Variants in METAP2 observed in about 807,000 individuals in gnomAD.
The protein encoded by METAP2 is methionyl aminopeptidase 2, also known as methionine aminopeptidase 2.
In METAP2, 25 loss-of-function variants were observed where a neutral mutation model predicts 59.4. The ratio of observed to expected loss-of-function variants is 0.42; its 90% CI spans 0.31 to 0.59. The LOEUF (loss-of-function observed/expected upper bound fraction) is 0.59. Among genes scored for constraint, METAP2 ranks in the 20% least tolerant of loss-of-function variants. The pLI, the probability that METAP2 is intolerant of heterozygous loss-of-function variation, is 0.16. For synonymous variants in METAP2, 214 were observed against 194.1 expected, an observed-to-expected ratio of 1.10 and a Z score of -0.85; for missense variants, 366 against 581.2, an observed-to-expected ratio of 0.63 and a Z score of 3.81.
At chr12:95,502,236 G>A (rs2076321946) in intron 7 of METAP2, among the ~76,000 whole-genome samples, 2 of 151,946 alleles carry the variant, frequency 1.3e-5, no homozygotes, top group South Asian at 2.1e-4. Context: ...GAGCTCCTGG[G>A]TTCAAGTGAT....
intron 7 of METAP2, among the ~76,000 whole-genome samples, chr12:95,501,397 G>T (rs574509768): frequency 6.6e-6 from 1 of 152,264 alleles, no homozygotes; most frequent in South Asian, 2.1e-4. Context: ...ATAAACCAAA[G>T]TTAATAATAA....
intron 6 of METAP2, 146 bp downstream of exon 6, chr12:95,495,284 T>TA (rs1565780804): frequency 1.6e-6 from 1 of 630,444 alleles, no homozygotes; most frequent in Non-Finnish European, 2.6e-6. Context: ...GGCAGATTTT[T>TA]AAAAAAATTT....
intron 4 of METAP2, among the ~76,000 whole-genome samples, chr12:95,487,469 T>A (rs2076205735): frequency 6.6e-6 from 1 of 152,188 alleles, no homozygotes; most frequent in African/African-American, 2.4e-5. Flanking sequence ...TTTGAAATCG[T>A]CAATTGTCCC....
chr12:95,510,843 A>G (rs1322895015), intron 8 of METAP2, among the ~76,000 whole-genome samples: 1 of 152,194 alleles, frequency 6.6e-6, no homozygotes, highest in Non-Finnish European at 1.5e-5. Context: ...CTAATTATGC[A>G]TCCCTAAACT....
In METAP2 at chr12:95,503,338, C is replaced by T. The variant is rs116008900; in HGVS notation, c.868-727C>T. 4.6e-3 allele frequency among the ~76,000 whole-genome samples: 700 copies of T among 152,210 alleles called. 5 individuals carry two copies. The highest frequency in any genetic ancestry group is 0.016 in the African/African-American group (674 of 41,522). On this transcript the variant is annotated intron_variant, in intron 7 of 10. Coordinates refer to ENST00000323666, the MANE Select transcript of METAP2 (RefSeq NM_006838.4). Reference sequence around the variant, plus strand: ...CATGTGTGCTCACTTTTAGAATTTTCTCATATATGCAGTTGTTTTTGAATG... The same window carrying T: ...CATGTGTGCTCACTTTTAGAATTTTTTCATATATGCAGTTGTTTTTGAATG...
chr12:95,474,362 T>C (rs2076101938), intron 1 of METAP2, 32 bp downstream of exon 1: 1 of 1,608,376 alleles, frequency 6.2e-7, no homozygotes, highest in Admixed American at 1.7e-5. Flanking sequence ...CCCAGTCCCC[T>C]CCGGGAACGG....
chr12:95,498,142 A>G (rs936942109), intron 7 of METAP2, among the ~76,000 whole-genome samples: 1 of 151,628 alleles, frequency 6.6e-6, no homozygotes, highest in African/African-American at 2.4e-5. Flanking sequence ...CAAAAAAAAA[A>G]AAAAACAGTA....
intron 10 of METAP2, among the ~76,000 whole-genome samples, chr12:95,513,134 A>C (rs954811764): frequency 1.0e-5 from 1 of 100,112 alleles, no homozygotes; most frequent in African/African-American, 3.7e-5. Context: ...CACACACACA[A>C]GTGCTCTCTT....
chr12:95,513,128 C>CAT (rs2076416598), intron 10 of METAP2, among the ~76,000 whole-genome samples: 1 of 150,586 alleles, frequency 6.6e-6, no homozygotes, highest in African/African-American at 2.5e-5. Context: ...CACACACACA[C>CAT]ACACAAGTGC....
At chr12:95,492,894 C>A (rs1452233030) in intron 4 of METAP2, among the ~76,000 whole-genome samples, 1 of 152,200 alleles carries the variant, frequency 6.6e-6, no homozygotes, top group Non-Finnish European at 1.5e-5. Context: ...TTGAGTGTTA[C>A]TTAGCTTTGC....
rs2076424960 is a variant in METAP2 at position 95,513,974 on chromosome 12, T to C, written c.*70T>C. On this transcript the variant is annotated 3_prime_UTR_variant, in exon 11 of 11. Transcript: ENST00000323666. ...TTGGAAAACATGATACCAGAATTAATTTGCCACATGTTGTCTGTTTTAACA... is the reference window on the plus strand; with the variant it reads ...TTGGAAAACATGATACCAGAATTAACTTGCCACATGTTGTCTGTTTTAACA... The C allele has an allele frequency of 2.0e-6, 3 of 1,504,124 alleles. No individual in the cohort carries two copies. In the East Asian group the frequency reaches 6.8e-5, roughly 34 times the overall value. 93.2% of individuals were successfully genotyped at this position (1,504,124 alleles called of 1,614,324 possible).
chr12:95,496,112 A>G lies in METAP2; in HGVS notation c.867+14A>G. The G allele has an allele frequency of 6.7e-7, 1 of 1,485,184 alleles. No individual in the cohort carries two copies. The highest frequency in any genetic ancestry group is 1.2e-5 in the South Asian group (1 of 84,956). 92.0% of individuals were successfully genotyped at this position (1,485,184 alleles called of 1,614,324 possible). On this transcript the variant is annotated intron_variant, in intron 7 of 10. Coordinates refer to ENST00000323666, the MANE Select transcript of METAP2 (RefSeq NM_006838.4). ...ACTGGAATAAAGGTATGTGAACTGT[A>G]AGCACCATTTCATTCCCAATATTTT...
intron 4 of METAP2, among the ~76,000 whole-genome samples, chr12:95,486,850 T>C (rs301033): frequency 0.66 from 100,517 of 152,044 alleles, 34,946 homozygotes; most frequent in African/African-American, 0.88. Flanking sequence ...ATGACTTAAA[T>C]AGTCTTGGAA....
At chr12:95,492,602 G>C (rs932603018) in intron 4 of METAP2, among the ~76,000 whole-genome samples, 1 of 151,480 alleles carries the variant, frequency 6.6e-6, no homozygotes, top group African/African-American at 2.4e-5. Context: ...GTCTTGGTCT[G>C]TTGCCCAGGC....
chr12:95,489,627 A>G (rs752498341), intron 4 of METAP2, among the ~76,000 whole-genome samples: 8 of 152,122 alleles, frequency 5.3e-5, no homozygotes, highest in Non-Finnish European at 8.8e-5. Context: ...AATTATCACA[A>G]CTCACCTTTG....
intron 7 of METAP2, among the ~76,000 whole-genome samples, chr12:95,501,588 G>A (rs775945518): frequency 1.3e-5 from 2 of 151,970 alleles, no homozygotes; most frequent in African/African-American, 2.4e-5. Flanking sequence ...AGTGGCATGC[G>A]CCTGTAGTCC....
chr12:95,499,186 A>G (rs1214268616), intron 7 of METAP2, among the ~76,000 whole-genome samples: 2 of 152,046 alleles, frequency 1.3e-5, no homozygotes, highest in African/African-American at 2.4e-5. Flanking sequence ...CTGTCACCCA[A>G]GCTGGAGCGC....
intron 7 of METAP2, among the ~76,000 whole-genome samples, chr12:95,502,555 G>A (rs1193359695): frequency 6.6e-6 from 1 of 151,764 alleles, no homozygotes; most frequent in African/African-American, 2.4e-5. Context: ...TGTGTGTGTG[G>A]GGGGGTTTCT....
chr12:95,513,549 A>G (rs2076421068), intron 10 of METAP2, 103 bp from the exon 11 acceptor site: 3 of 1,331,738 alleles, frequency 2.3e-6, no homozygotes, highest in Non-Finnish European at 1.0e-6. Flanking sequence ...AAGTTTTTGG[A>G]CTTCAACTAC....
Sources: gnomAD v4.1 joint callset for allele counts (sites outside exome capture counted in the v4.1 genomes callset) on GRCh38, gnomAD v4.1.1 for gene constraint, MANE v1.5 for transcripts, NCBI Gene and HGNC (gene_info 2026-07-23, HGNC 2026-07-21) for gene names.